NRG3: variants seen among roughly 807,000 people sequenced by gnomAD.
NRG3 encodes the protein pro-neuregulin-3, membrane-bound isoform.
NRG3 carries 31 observed loss-of-function variants against 66.9 expected under a neutral mutation model. That is an observed-to-expected ratio of 0.46 (90% confidence interval 0.35 to 0.63). NRG3 has a LOEUF of 0.63. NRG3 is among the 20% of genes least tolerant of loss of function. The pLI is 0.00. For missense variants in NRG3, 910 were observed against 878.9 expected (o/e 1.04, Z -0.45); for synonymous variants, 393 against 359.4 (o/e 1.09, Z -1.06).
intron 1 of NRG3, among the ~76,000 whole-genome samples, chr10:82,037,689 G>GC (rs1417292863): frequency 2.0e-5 from 3 of 152,200 alleles, no homozygotes; most frequent in Non-Finnish European, 2.9e-5. Flanking sequence ...TCAGGTTGCA[G>GC]TGTGTTTTCA....
At position 82,252,273 on chromosome 10, in the gene NRG3, G is replaced by C. The variant is rs141358804; in HGVS notation, c.824-106466G>C. On this transcript the variant is annotated intron_variant, in intron 1 of 8. Coordinates refer to ENST00000372141, the MANE Select transcript of NRG3 (RefSeq NM_001010848.4). ...CAAAAAATTTTTTTCCCTTGTGTTT[G>C]CTTTAGTGATAAAAATAGCCAGTGC... Among the ~76,000 whole-genome samples, 246 of 152,286 alleles carry C rather than the reference G, an allele frequency of 1.6e-3. 2 individuals carry two copies. Among genetic ancestry groups the C allele is most frequent in the African/African-American group, 5.7e-3 (235 of 41,576 alleles).
chr10:82,150,298 G>A (rs1045371941), intron 1 of NRG3, among the ~76,000 whole-genome samples: 1 of 152,026 alleles, frequency 6.6e-6, no homozygotes, highest in African/African-American at 2.4e-5. Flanking sequence ...ACATGTCAGT[G>A]TACCTGGTGG....
intron 4 of NRG3, among the ~76,000 whole-genome samples, chr10:82,945,252 G>T (rs1848909398): frequency 6.6e-6 from 1 of 152,134 alleles, no homozygotes; most frequent in Admixed American, 6.5e-5. Context: ...CCAACACAGA[G>T]ATAAACAATC....
intron 1 of NRG3, among the ~76,000 whole-genome samples, chr10:82,131,925 G>GT (rs1355242364): frequency 1.3e-5 from 2 of 152,056 alleles, no homozygotes; most frequent in African/African-American, 4.8e-5. Flanking sequence ...AGTAGTAATA[G>GT]TTTTTTTGGT....
intron 1 of NRG3, among the ~76,000 whole-genome samples, chr10:82,000,112 A>G (rs1589736008): frequency 6.6e-6 from 1 of 152,276 alleles, no homozygotes; most frequent in East Asian, 1.9e-4. Flanking sequence ...GAGCTAAGTT[A>G]TGTTTCTGGT....
chr10:82,873,513 A>G (rs943866068), intron 4 of NRG3, among the ~76,000 whole-genome samples: 8 of 152,328 alleles, frequency 5.3e-5, no homozygotes, highest in African/African-American at 1.9e-4. Context: ...CAGTTGGCCA[A>G]AGGGCATGTC....
intron 2 of NRG3, among the ~76,000 whole-genome samples, chr10:82,550,209 A>G (rs2044212558): frequency 6.6e-6 from 1 of 152,166 alleles, no homozygotes; most frequent in East Asian, 1.9e-4. Context: ...GGAAAATGGT[A>G]TATTCAACAT....
chr10:82,856,499 C>A (rs905584034), intron 3 of NRG3, among the ~76,000 whole-genome samples: 7 of 152,008 alleles, frequency 4.6e-5, no homozygotes, highest in African/African-American at 1.7e-4. Context: ...AATCCCAGCA[C>A]TTTGGGAGGC....
intron 1 of NRG3, among the ~76,000 whole-genome samples, chr10:82,066,847 A>C (rs948651996): frequency 3.3e-5 from 5 of 152,122 alleles, no homozygotes; most frequent in Admixed American, 1.3e-4. Flanking sequence ...ATGATTAATG[A>C]ATCCTATCAT....
At chr10:81,886,083 G>T (rs1300149278) in intron 1 of NRG3, among the ~76,000 whole-genome samples, 6 of 152,104 alleles carry the variant, frequency 3.9e-5, no homozygotes, top group Admixed American at 2.0e-4. Context: ...TAGGTGATGG[G>T]TTGATAGGTG....
intron 2 of NRG3, among the ~76,000 whole-genome samples, chr10:82,390,360 A>G (rs1478569472): frequency 1.3e-5 from 2 of 151,998 alleles, no homozygotes; most frequent in African/African-American, 4.8e-5. Context: ...GCTGGGGTGG[A>G]TTGTTCTCAA....
chr10:82,874,735 T>C (rs1252683262), intron 4 of NRG3, among the ~76,000 whole-genome samples: 2 of 152,204 alleles, frequency 1.3e-5, no homozygotes, highest in Non-Finnish European at 2.9e-5. Flanking sequence ...ATTATCTTTC[T>C]AAAGAGCAAC....
chr10:82,105,473 G>T (rs529572746), intron 1 of NRG3, among the ~76,000 whole-genome samples: 2 of 152,174 alleles, frequency 1.3e-5, no homozygotes, highest in East Asian at 3.9e-4. Flanking sequence ...TAGGATAGGG[G>T]ACCCTGTCTG....
chr10:82,694,759 G>GA (rs1355029902), intron 2 of NRG3, among the ~76,000 whole-genome samples: 2 of 151,582 alleles, frequency 1.3e-5, no homozygotes, highest in East Asian at 1.9e-4. Context: ...GTCTCTAAAA[G>GA]AAAAAAAGAA....
chr10:82,038,144 T>C (rs10748872), intron 1 of NRG3, among the ~76,000 whole-genome samples: 79,785 of 152,004 alleles, frequency 0.52, 20,907 homozygotes, highest in South Asian at 0.62. Flanking sequence ...TAAAAATCTT[T>C]TATAAACTGA....
intron 2 of NRG3, among the ~76,000 whole-genome samples, chr10:82,686,333 G>A (rs998316267): frequency 6.6e-6 from 1 of 151,766 alleles, no homozygotes; most frequent in African/African-American, 2.4e-5. Flanking sequence ...AATTATAGGC[G>A]CCCACCGCTA....
At chr10:82,364,199 A>G (rs1391743867) in intron 2 of NRG3, among the ~76,000 whole-genome samples, 1 of 152,192 alleles carries the variant, frequency 6.6e-6, no homozygotes, top group Non-Finnish European at 1.5e-5. Context: ...ATTCACTATT[A>G]TTGAGCTGAT....
chr10:82,224,657 GACTT>G (rs1176996624), intron 1 of NRG3, among the ~76,000 whole-genome samples: 1 of 152,076 alleles, frequency 6.6e-6, no homozygotes, highest in Non-Finnish European at 1.5e-5. Flanking sequence ...AAATCTACAT[GACTT>G]AACCCTAGAA....
chr10:82,685,481 G>T (rs894739758), intron 2 of NRG3, among the ~76,000 whole-genome samples: 4 of 152,286 alleles, frequency 2.6e-5, no homozygotes, highest in Middle Eastern at 3.4e-3. Flanking sequence ...AGTTGCCCTG[G>T]TTGAGTCAGT....
Sources: gnomAD v4.1 joint callset for allele counts (sites outside exome capture counted in the v4.1 genomes callset) on GRCh38, gnomAD v4.1.1 for gene constraint, MANE v1.5 for transcripts, NCBI Gene and HGNC (gene_info 2026-07-23, HGNC 2026-07-21) for gene names.